Variants in PCDHGB2 observed in about 807,000 individuals in gnomAD.
The protein encoded by PCDHGB2 is protocadherin gamma subfamily B, 2.
In PCDHGB2, 55 loss-of-function variants were observed where a neutral mutation model predicts 59.3. The observed-to-expected ratio is 0.93, with a 90% confidence interval of 0.75 to 1.16. PCDHGB2 has a LOEUF of 1.16. Among genes scored for constraint, PCDHGB2 ranks in the 50% most tolerant of loss-of-function variants. The pLI, the probability that PCDHGB2 is intolerant of heterozygous loss-of-function variation, is 0.00. For missense variants in PCDHGB2, 1,228 were observed against 1,198.5 expected (o/e 1.02, Z -0.36); for synonymous variants, 516 against 512.0 (o/e 1.01, Z -0.11).
chr5:141,393,475 C>G lies in PCDHGB2; in HGVS notation c.2421+30919C>G, dbSNP rs200282311. The G allele has an allele frequency of 1.2e-3, 1,881 of 1,614,046 alleles. 9 individuals are homozygous for G. Among genetic ancestry groups the G allele is most frequent in the South Asian group, 3.4e-3 (312 of 91,088 alleles). On this transcript the variant is annotated intron_variant, in intron 1 of 3. Coordinates refer to ENST00000522605, the MANE Select transcript of PCDHGB2 (RefSeq NM_018923.3). ...ACGGCCTCGGATGGCGGCAAGCCGC[C>G]TCGCTCTAGCACAGTGCGCATCCAC... is the stretch of plus-strand genomic sequence containing the variant.
rs751976949 is a variant in PCDHGB2, at chr5:141,414,873, C to A, written c.2421+52317C>A. The A allele has an allele frequency of 6.2e-6, 10 of 1,614,108 alleles. No homozygotes were observed. The Admixed American group carries it at 1.2e-4, about 19-fold the overall frequency. ...ACCAGAACGACAATGCGCCCGAGAT[C>A]CTGTACCCCGCCCTCCCCACAGACG... On this transcript the variant is annotated intron_variant, in intron 1 of 3. Transcript: ENST00000522605.
chr5:141,428,446 T>C lies in PCDHGB2; in HGVS notation c.2421+65890T>C, dbSNP rs575475897. On this transcript the variant is annotated intron_variant, in intron 1 of 3. Coordinates refer to ENST00000522605, the MANE Select transcript of PCDHGB2 (RefSeq NM_018923.3). The stretch of plus-strand genomic sequence containing the variant: ...CTGTTCTAAGACTAGACCAGGGGTT[T>C]TTCCCAACTACAATGAGGGAACTTT... 4.2e-5 allele frequency: 16 copies of C among 378,218 alleles called. No homozygotes were observed. The East Asian group carries it at 8.8e-4, about 21-fold the overall frequency. 23.4% of individuals were successfully genotyped at this position (378,218 alleles called of 1,614,324 possible). A position where few individuals can be genotyped will look rare whatever the true frequency, so the allele number is the denominator to read the frequency against.
chr5:141,407,406 C>T (rs971404616), intron 1 of PCDHGB2, among the ~76,000 whole-genome samples: 2 of 152,090 alleles, frequency 1.3e-5, no homozygotes, highest in East Asian at 3.8e-4. Flanking sequence ...AGTTACTATT[C>T]GATACCACAA....
At chr5:141,404,806 G>A (rs774487660) in intron 1 of PCDHGB2, 29 of 1,613,874 alleles carry the variant, frequency 1.8e-5, no homozygotes, top group South Asian at 1.3e-4. Context: ...GGCTCTTCTC[G>A]GTGGGGCTGC....
At chr5:141,385,016 C>A (rs536780147) in intron 1 of PCDHGB2, 4 of 1,614,186 alleles carry the variant, frequency 2.5e-6, no homozygotes, top group Non-Finnish European at 3.4e-6. Flanking sequence ...GTCTTCCTAG[C>A]CTTCGTCCTC....
At chr5:141,398,256 G>C in intron 1 of PCDHGB2, 3 of 1,460,296 alleles carry the variant, frequency 2.1e-6, no homozygotes, top group Non-Finnish European at 9.3e-7. Flanking sequence ...AAATGCCCAA[G>C]GGCTCCGTAG....
chr5:141,475,653 G>T (rs982063429), intron 1 of PCDHGB2, among the ~76,000 whole-genome samples: 2 of 152,238 alleles, frequency 1.3e-5, no homozygotes, highest in African/African-American at 2.4e-5. Context: ...CAAAGAAAGT[G>T]ATTCAAATGT....
chr5:141,428,563 G>A, intron 1 of PCDHGB2: 2 of 237,566 alleles, frequency 8.4e-6, no homozygotes, highest in East Asian at 1.1e-4. Flanking sequence ...CCCCCCACAA[G>A]ATCTTTCTAA....
At chr5:141,393,192 A>G in intron 1 of PCDHGB2, 2 of 1,613,468 alleles carry the variant, frequency 1.2e-6, no homozygotes, top group Non-Finnish European at 1.7e-6. Flanking sequence ...AATTGATATT[A>G]ACGATAATAA....
chr5:141,369,052 A>G (rs1386795265), intron 1 of PCDHGB2, among the ~76,000 whole-genome samples: 2 of 152,180 alleles, frequency 1.3e-5, no homozygotes. Flanking sequence ...ACAATACATT[A>G]TGTAGGCTAA....
intron 1 of PCDHGB2, chr5:141,390,022 T>A (rs1206102918): frequency 2.5e-6 from 4 of 1,613,928 alleles, no homozygotes; most frequent in Non-Finnish European, 3.4e-6. Context: ...GCCTTGCGCC[T>A]GCGACGCTCC....
At chr5:141,438,896 CCT>C (rs886177991) in intron 1 of PCDHGB2, among the ~76,000 whole-genome samples, 30 of 151,820 alleles carry the variant, frequency 2.0e-4, no homozygotes, top group Non-Finnish European at 7.4e-5. Context: ...GAACTCCTGA[CCT>C]CAGGTGATCC....
intron 1 of PCDHGB2, among the ~76,000 whole-genome samples, chr5:141,472,980 C>CAAAAAAAAAAAAAAAA (rs60579131): frequency 2.8e-4 from 24 of 86,024 alleles, no homozygotes; most frequent in East Asian, 1.2e-3. Context: ...GAGTGAAACT[C>CAAAAAAAAAAAAAAAA]AAAAAAAAAA....
At chr5:141,374,748 G>T in intron 1 of PCDHGB2, 1 of 1,611,888 alleles carries the variant, frequency 6.2e-7, no homozygotes, top group Non-Finnish European at 8.5e-7. Flanking sequence ...GACCCTGTCC[G>T]CTCAAGCGTC....
intron 1 of PCDHGB2, chr5:141,399,859 G>T: frequency 1.2e-6 from 2 of 1,612,844 alleles, no homozygotes; most frequent in Non-Finnish European, 1.7e-6. Context: ...GCCGCGCGCT[G>T]CAGAGCCCGG....
At chr5:141,364,914 T>A (rs745343647) in intron 1 of PCDHGB2, 1 of 1,613,936 alleles carries the variant, frequency 6.2e-7, no homozygotes, top group Non-Finnish European at 8.5e-7. Flanking sequence ...CCGGAGCTGG[T>A]GTTGGAACAG....
At position 141,431,782 on chromosome 5, in the gene PCDHGB2, C is replaced by A. The variant is rs767269112; in HGVS notation, c.2422-63025C>A. The A allele has an allele frequency of 6.2e-7, 1 of 1,614,082 alleles. No homozygotes were observed. On this transcript the variant is annotated intron_variant, in intron 1 of 3. Transcript: ENST00000522605. This position sits in a 1 kb window ranked among gnomAD's most constrained non-coding sequence, Gnocchi z 4.8. Reference sequence around the variant, plus strand: ...TCCTGATCACTGTTCTGGACGTGAACGACAATGCCCCAGAAGTGGTCCTCA... The same window carrying A: ...TCCTGATCACTGTTCTGGACGTGAAAGACAATGCCCCAGAAGTGGTCCTCA...
rs1444897635 is a variant in PCDHGB2 at position 141,366,887 on chromosome 5, A to G, written c.2421+4331A>G. ...GCTGTATTGGAGATTAATTTTTTTT[A>G]TATAATTCATGCTTTCTCCATTTGT... On this transcript the variant is annotated intron_variant, in intron 1 of 3. Coordinates refer to ENST00000522605, the MANE Select transcript of PCDHGB2 (RefSeq NM_018923.3). 3.2e-6 allele frequency: 4 copies of G among 1,269,488 alleles called. No homozygotes were observed. The South Asian group carries it at 4.6e-5, about 15-fold the overall frequency. 78.6% of individuals were successfully genotyped at this position (1,269,488 alleles called of 1,614,324 possible).
intron 1 of PCDHGB2, among the ~76,000 whole-genome samples, chr5:141,369,595 C>T (rs1362731201): frequency 6.6e-6 from 1 of 152,190 alleles, no homozygotes; most frequent in Non-Finnish European, 1.5e-5. Flanking sequence ...TACTATACTT[C>T]TATTTTATAA....
Sources: allele counts gnomAD v4.1 joint callset (sites outside exome capture counted in the v4.1 genomes callset), GRCh38; gene constraint gnomAD v4.1.1; non-coding constraint Gnocchi (gnomAD v3.1); transcripts MANE v1.5; gene names NCBI Gene and HGNC (gene_info 2026-07-23, HGNC 2026-07-21).